The following TRPS1 variants were observed in gnomAD, a reference collection of about 807,000 sequenced individuals.
TRPS1 encodes the protein transcriptional repressor GATA binding 1, also known as zinc finger transcription factor Trps1.
In TRPS1, 6 loss-of-function variants were observed where a neutral mutation model predicts 101.2. That is an observed-to-expected ratio of 0.06 (90% confidence interval 0.03 to 0.12). The LOEUF is 0.12. TRPS1 is among the 10% of genes least tolerant of loss of function. TRPS1 has a pLI of 1.00. For missense variants in TRPS1, 1,363 were observed against 1,567.0 expected (o/e 0.87, Z 2.20); for synonymous variants, 578 against 589.8 (o/e 0.98, Z 0.29).
rs544392770 is a variant in TRPS1 at position 115,534,010 on chromosome 8, C to G, written c.2700+52991G>C. Among the ~76,000 whole-genome samples, 14 of 152,178 alleles carry G rather than the reference C, an allele frequency of 9.2e-5. No individual in the cohort carries two copies. The South Asian group carries it at 2.5e-3, about 27-fold the overall frequency. ...CAGACTGGAGATTGAAGCTCTAACC[C>G]CAATACCATCACACTGGAGATTGAA... On this transcript the variant is annotated intron_variant, in intron 5 of 6. Transcript: ENST00000395715.
chr8:115,546,741 T>A (rs1339775282), intron 5 of TRPS1, among the ~76,000 whole-genome samples: 1 of 152,160 alleles, frequency 6.6e-6, no homozygotes, highest in Non-Finnish European at 1.5e-5. Context: ...ATCTGTAAAC[T>A]TGGGCAAAAC....
At chr8:115,475,671 C>T (rs576595477) in intron 5 of TRPS1, among the ~76,000 whole-genome samples, 190 of 152,044 alleles carry the variant, frequency 1.2e-3, no homozygotes, top group Non-Finnish European at 2.1e-3. Context: ...AGTGCTATCT[C>T]GTTTAGCAGT....
chr8:115,574,580 A>G (rs1343655928), intron 5 of TRPS1, among the ~76,000 whole-genome samples: 1 of 152,194 alleles, frequency 6.6e-6, no homozygotes, highest in East Asian at 1.9e-4. Context: ...AATAAACTGT[A>G]CAAATAGCTG....
At position 115,582,688 on chromosome 8, in the gene TRPS1, C is replaced by T. The variant is rs1817478993; in HGVS notation, c.2700+4313G>A. On this transcript the variant is annotated intron_variant, in intron 5 of 6. Transcript: ENST00000395715. ...GTCAGTGGCTCAACTTGGAACTCAACTTCCAGAACTTGGAACTCAACTCCC... is the reference window on the plus strand; with the variant it reads ...GTCAGTGGCTCAACTTGGAACTCAATTTCCAGAACTTGGAACTCAACTCCC... 2.0e-5 allele frequency among the ~76,000 whole-genome samples: 3 copies of T among 152,158 alleles called. No individual in the cohort carries two copies. In the South Asian group the frequency reaches 6.2e-4, roughly 32 times the overall value.
chr8:115,653,743 T>G (rs928738677), intron 1 of TRPS1, among the ~76,000 whole-genome samples: 2 of 151,656 alleles, frequency 1.3e-5, no homozygotes, highest in Admixed American at 6.6e-5. Context: ...TCCATGCAAA[T>G]GGAAGTACAA....
intron 5 of TRPS1, among the ~76,000 whole-genome samples, chr8:115,441,226 T>G (rs984164525): frequency 5.3e-5 from 8 of 152,246 alleles, no homozygotes; most frequent in Non-Finnish European, 1.2e-4. Flanking sequence ...AGGTGGACTA[T>G]TTATGTTTAT....
At chr8:115,562,010 C>T (rs940676486) in intron 5 of TRPS1, among the ~76,000 whole-genome samples, 4 of 151,956 alleles carry the variant, frequency 2.6e-5, no homozygotes, top group Admixed American at 6.6e-5. Flanking sequence ...TTTCCCAGTA[C>T]GTGTATAAAT....
intron 2 of TRPS1, among the ~76,000 whole-genome samples, chr8:115,621,109 G>C (rs1366256285): frequency 6.6e-6 from 1 of 152,188 alleles, no homozygotes; most frequent in Non-Finnish European, 1.5e-5. Flanking sequence ...AGTAGAATGA[G>C]TCAGAACTTT....
chr8:115,647,087 C>T (rs1173002188), intron 1 of TRPS1, among the ~76,000 whole-genome samples: 2 of 152,088 alleles, frequency 1.3e-5, no homozygotes, highest in African/African-American at 2.4e-5. Flanking sequence ...ACCTCACATC[C>T]AGTCATATAT....
intron 5 of TRPS1, among the ~76,000 whole-genome samples, chr8:115,565,187 G>A (rs1483550113): frequency 6.6e-6 from 1 of 152,136 alleles, no homozygotes; most frequent in Non-Finnish European, 1.5e-5. Context: ...GACACATAAC[G>A]ATGTGGACTG....
chr8:115,665,857 C>A (rs1205604456), intron 1 of TRPS1, among the ~76,000 whole-genome samples: 1 of 152,080 alleles, frequency 6.6e-6, no homozygotes, highest in Non-Finnish European at 1.5e-5. Context: ...TACTTTCCAC[C>A]ACTTATTTGA....
chr8:115,541,334 C>T (rs773241136), intron 5 of TRPS1, among the ~76,000 whole-genome samples: 2 of 152,112 alleles, frequency 1.3e-5, no homozygotes, highest in Non-Finnish European at 2.9e-5. Flanking sequence ...GCAAAATTTT[C>T]AACTCTACCC....
At chr8:115,513,527 C>T (rs543622703) in intron 5 of TRPS1, among the ~76,000 whole-genome samples, 29 of 151,644 alleles carry the variant, frequency 1.9e-4, no homozygotes, top group Middle Eastern at 3.4e-3. Context: ...CTTAACAGAG[C>T]AAGGGTTAAT....
chr8:115,564,502 CTG>C (rs910131816), intron 5 of TRPS1, among the ~76,000 whole-genome samples: 6 of 152,042 alleles, frequency 3.9e-5, no homozygotes, highest in African/African-American at 1.2e-4. Flanking sequence ...TCAATTGTAA[CTG>C]TATCAGTTTA....
intron 5 of TRPS1, among the ~76,000 whole-genome samples, chr8:115,510,054 T>C (rs986924839): frequency 2.6e-5 from 4 of 151,980 alleles, no homozygotes; most frequent in African/African-American, 7.2e-5. Context: ...GTATTCAAGA[T>C]TTTTACTTCC....
rs569123352 is a variant in TRPS1 at position 115,557,788 on chromosome 8, C to A, written c.2700+29213G>T. ...CACTGGATCCAAGAAGAGGTGCAAA[C>A]ATGACCCTTGCATGTCAAATGCTGT... is the stretch of plus-strand genomic sequence containing the variant. On this transcript the variant is annotated intron_variant, in intron 5 of 6. Coordinates refer to ENST00000395715, the MANE Select transcript of TRPS1 (RefSeq NM_014112.5). Among the ~76,000 whole-genome samples the A allele has an allele frequency of 3.3e-5, 5 of 152,274 alleles. No individual in the cohort carries two copies. In the East Asian group the frequency reaches 9.7e-4, roughly 29 times the overall value.
chr8:115,629,426 T>G (rs918278820), intron 1 of TRPS1, among the ~76,000 whole-genome samples: 1 of 151,736 alleles, frequency 6.6e-6, no homozygotes, highest in Non-Finnish European at 1.5e-5. Flanking sequence ...TACAATAAAA[T>G]CCCAGGTGTC....
intron 5 of TRPS1, among the ~76,000 whole-genome samples, chr8:115,550,859 A>G (rs1816688342): frequency 1.3e-5 from 2 of 152,208 alleles, no homozygotes; most frequent in African/African-American, 2.4e-5. Context: ...CCTTCCATTG[A>G]GGGACTTCCT....
intron 5 of TRPS1, among the ~76,000 whole-genome samples, chr8:115,458,706 A>G (rs1814090876): frequency 6.6e-6 from 1 of 152,236 alleles, no homozygotes; most frequent in Non-Finnish European, 1.5e-5. Context: ...GAAATGTATT[A>G]ACACAGAACA....
Sources: gnomAD v4.1 joint callset for allele counts (sites outside exome capture counted in the v4.1 genomes callset) on GRCh38, gnomAD v4.1.1 for gene constraint, MANE v1.5 for transcripts, NCBI Gene and HGNC (gene_info 2026-07-23, HGNC 2026-07-21) for gene names.